PIGP: variants seen among roughly 807,000 people sequenced by gnomAD.
The protein encoded by PIGP is phosphatidylinositol glycan anchor biosynthesis class P, also known as phosphatidylinositol N-acetylglucosaminyltransferase subunit P.
Under a neutral mutation model 16.9 loss-of-function variants are expected in PIGP, and 12 were observed. The ratio of observed to expected loss-of-function variants is 0.71; its 90% CI spans 0.46 to 1.15. The LOEUF (loss-of-function observed/expected upper bound fraction) is 1.15, where lower values mean the gene tolerates loss of function less well. PIGP is among the 50% of genes most tolerant of loss of function. PIGP has a pLI of 0.00. For missense variants in PIGP, 159 were observed against 153.5 expected (o/e 1.04, Z -0.19); for synonymous variants, 57 against 54.7 (o/e 1.04, Z -0.18).
intron 4 of PIGP, among the ~76,000 whole-genome samples, 159 bp from the exon 5 acceptor site, chr21:37,065,871 G>A (rs1601120776): frequency 6.6e-6 from 1 of 152,014 alleles, no homozygotes; most frequent in East Asian, 1.9e-4. Context: ...CCTCTCTTTA[G>A]AAGAAATGTC....
chr21:37,067,946 C>CT (rs1367456055), intron 3 of PIGP, among the ~76,000 whole-genome samples: 1 of 151,560 alleles, frequency 6.6e-6, no homozygotes, highest in African/African-American at 2.4e-5. Context: ...CTCAAATTCT[C>CT]TGATAGGACT....
intron 4 of PIGP, among the ~76,000 whole-genome samples, chr21:37,066,790 T>C (rs2069910837): frequency 6.6e-6 from 1 of 152,220 alleles, no homozygotes; most frequent in South Asian, 2.1e-4. Context: ...TAGACACATA[T>C]AGCATATACT....
chr21:37,072,755 G>A, intron 1 of PIGP: 1 of 672,114 alleles, frequency 1.5e-6, no homozygotes. Context: ...GCAGGGAGGG[G>A]GGTTCTGGGG....
intron 4 of PIGP, among the ~76,000 whole-genome samples, chr21:37,066,673 A>G (rs1793873590): frequency 6.6e-6 from 1 of 152,150 alleles, no homozygotes; most frequent in African/African-American, 2.4e-5. Context: ...ACACACCCCC[A>G]AAGTCCTTTT....
chr21:37,072,610 T>TCCGCCGCGGGTACGGCCC (rs1419584792), intron 1 of PIGP, 73 bp from the exon 2 acceptor site: 7 of 1,604,638 alleles, frequency 4.4e-6, no homozygotes, highest in African/African-American at 1.3e-5. Context: ...GCCTCCTCGC[T>TCCGCCGCGGGTACGGCCC]CCGCCGCGGG....
At chr21:37,072,822 G>A (rs1343197684) in intron 1 of PIGP, 178 bp downstream of exon 1, 1 of 527,476 alleles carries the variant, frequency 1.9e-6, no homozygotes, top group Non-Finnish European at 3.3e-6. Context: ...GGGGAGGGCA[G>A]GGAACAAGGC....
chr21:37,072,328 G>A (rs2070120023), intron 2 of PIGP, 106 bp downstream of exon 2: 7 of 1,596,760 alleles, frequency 4.4e-6, no homozygotes, highest in South Asian at 1.1e-5. Context: ...AGAGACATAG[G>A]GAGAAAGAAT....
chr21:37,067,458 C>T lies in PIGP; in HGVS notation c.156-78G>A. On this transcript the variant is annotated intron_variant, in intron 3 of 4. Transcript: ENST00000360525. The stretch of plus-strand genomic sequence containing the variant: ...TCTCAAGAGTCGGTCACAAAGCCAA[C>T]ATGTTTTTTAAATTTAAATTTTATA... 6.3e-6 allele frequency: 5 copies of T among 789,798 alleles called. No individual in the cohort carries two copies. In the South Asian group the frequency reaches 6.4e-5, roughly 10 times the overall value. The allele number at this position is 789,798 out of a possible 1,614,324, so 48.9% of individuals were successfully genotyped here. A position where few individuals can be genotyped will look rare whatever the true frequency, so the allele number is the denominator to read the frequency against.
At chr21:37,070,215 A>G (rs1189992333) in intron 2 of PIGP, among the ~76,000 whole-genome samples, 1 of 152,226 alleles carries the variant, frequency 6.6e-6, no homozygotes, top group Non-Finnish European at 1.5e-5. Context: ...CCTCCAAGGC[A>G]AGTATGCAAT....
At position 37,067,323 on chromosome 21, in the gene PIGP, C is replaced by G. The variant is rs1479207709; in HGVS notation, c.213G>C (p.Val71=). ...YLLIAIVIGY[V]LLFGINMMST... ...TCATCATGTTAATCCCAAACAAGAG[C>G]ACGTAGCCAATTACTATAGCAATAA... Residue 71 remains valine, a synonymous_variant, in exon 4 of 5, where the codon GTG becomes GTC. Transcript: ENST00000360525. The G allele has an allele frequency of 4.0e-5, 65 of 1,612,312 alleles. No individual in the cohort carries two copies. Among genetic ancestry groups the G allele is most frequent in the Non-Finnish European group, 5.3e-5 (63 of 1,178,496 alleles).
intron 1 of PIGP, chr21:37,072,745 G>C (rs2070193330): frequency 2.8e-6 from 2 of 717,546 alleles, no homozygotes; most frequent in Non-Finnish European, 4.6e-6. Flanking sequence ...GGAGGATAGG[G>C]CAGGGAGGGG....
chr21:37,069,437 C>A, intron 3 of PIGP, 115 bp downstream of exon 3: 3 of 587,100 alleles, frequency 5.1e-6, no homozygotes, highest in Admixed American at 3.2e-5. Context: ...TTCTATATGG[C>A]TATTCATGAA....
At chr21:37,072,323 C>A in intron 2 of PIGP, 111 bp downstream of exon 2, 2 of 1,597,266 alleles carry the variant, frequency 1.3e-6, no homozygotes, top group South Asian at 1.1e-5. Context: ...TAAAAAGAGA[C>A]ATAGGGAGAA....
At chr21:37,067,211 T>C in intron 4 of PIGP, 51 bp downstream of exon 4, 1 of 1,053,304 alleles carries the variant, frequency 9.5e-7, no homozygotes, top group Admixed American at 1.8e-5. Context: ...GTAAAAGTGC[T>C]AATACTCCAC....
Position 37,068,820 on chromosome 21 carries a change from G to A in PIGP, c.155+732C>T, listed in dbSNP as rs1343970777. 3.3e-5 allele frequency among the ~76,000 whole-genome samples: 5 copies of A among 152,068 alleles called. 1 individual carries two copies. The highest frequency in any genetic ancestry group is 2.1e-4 in the South Asian group (1 of 4,830). ...TGAGCAGTAGGGTGATATAAGCCTC[G>A]AAGCCCCAAGAGGGAAGATGGAGCA... On this transcript the variant is annotated intron_variant, in intron 3 of 4. Coordinates refer to ENST00000360525, the MANE Select transcript of PIGP (RefSeq NM_153682.3).
chr21:37,072,706 G>A (rs760269992), intron 1 of PIGP, 169 bp from the exon 2 acceptor site: 9 of 1,082,542 alleles, frequency 8.3e-6, no homozygotes, highest in Non-Finnish European at 1.1e-5. Flanking sequence ...CACCCAGGCT[G>A]GCGCGCGCCC....
intron 4 of PIGP, among the ~76,000 whole-genome samples, chr21:37,067,041 T>C (rs1008740411): frequency 1.8e-4 from 27 of 151,114 alleles, no homozygotes; most frequent in Admixed American, 1.5e-3. Context: ...AGTTTCACTC[T>C]TGTCACCCAA....
Position 37,067,355 on chromosome 21 carries a change from A to G in PIGP, c.181T>C (p.Tyr61His), listed in dbSNP as rs778490710. The G allele has an allele frequency of 2.5e-6, 4 of 1,607,412 alleles. No individual in the cohort carries two copies. Among genetic ancestry groups the G allele is most frequent in the African/African-American group, 1.3e-5 (1 of 74,792 alleles). ...QKYWAVALPV[Y>H]LLIAIVIGYV... ...CCAATTACTATAGCAATAAGGAGGTAGACAGGTAATGCAACTGCCCAATAT... is the reference window on the plus strand; with the variant it reads ...CCAATTACTATAGCAATAAGGAGGTGGACAGGTAATGCAACTGCCCAATAT... Residue 61 changes from tyrosine to histidine, a missense_variant, in exon 4 of 5, where the codon TAC becomes CAC. Tyr to His is a moderately conservative substitution (Grantham distance 83). Coordinates refer to ENST00000360525, the MANE Select transcript of PIGP (RefSeq NM_153682.3).
chr21:37,071,935 T>A (rs1601131216), intron 2 of PIGP, among the ~76,000 whole-genome samples: 1 of 152,212 alleles, frequency 6.6e-6, no homozygotes, highest in Admixed American at 6.5e-5. Context: ...CAGGGCACAC[T>A]GGTGACATCA....
Sources: gnomAD v4.1 joint callset for allele counts (sites outside exome capture counted in the v4.1 genomes callset) on GRCh38, gnomAD v4.1.1 for gene constraint, MANE v1.5 for transcripts, NCBI Gene and HGNC (gene_info 2026-07-23, HGNC 2026-07-21) for gene names.